The following PDE5A variants were observed in gnomAD, a reference collection of about 807,000 sequenced individuals.
PDE5A encodes the protein phosphodiesterase 5A.
PDE5A carries 67 observed loss-of-function variants against 110.2 expected under a neutral mutation model. The ratio of observed to expected loss-of-function variants is 0.61; its 90% CI spans 0.50 to 0.75. The LOEUF (loss-of-function observed/expected upper bound fraction) is 0.75, where lower values mean the gene tolerates loss of function less well. PDE5A is among the 30% of genes least tolerant of loss of function. The pLI, the probability that PDE5A is intolerant of heterozygous loss-of-function variation, is 0.00. For missense variants in PDE5A, 862 were observed against 1,045.1 expected, an observed-to-expected ratio of 0.82 and a Z score of 2.42; for synonymous variants, 328 against 351.2, an observed-to-expected ratio of 0.93 and a Z score of 0.74.
intron 1 of PDE5A, among the ~76,000 whole-genome samples, chr4:119,609,965 C>T (rs989081634): frequency 2.0e-5 from 3 of 152,010 alleles, no homozygotes; most frequent in African/African-American, 7.3e-5. Flanking sequence ...CCTCACTGGC[C>T]TTATGAATTG....
At chr4:119,528,327 G>A (rs775955390) in intron 11 of PDE5A, among the ~76,000 whole-genome samples, 1 of 152,086 alleles carries the variant, frequency 6.6e-6, no homozygotes, top group Admixed American at 6.6e-5. Flanking sequence ...TGGAACGAGA[G>A]TTAATCTTTG....
At chr4:119,515,828 TC>T (rs1389579255) in intron 14 of PDE5A, among the ~76,000 whole-genome samples, 6 of 152,312 alleles carry the variant, frequency 3.9e-5, no homozygotes, top group African/African-American at 1.4e-4. Context: ...GCTCTGTGGT[TC>T]TAATTTCTAC....
chr4:119,547,191 T>G (rs2110491285), intron 9 of PDE5A, among the ~76,000 whole-genome samples: 1 of 151,658 alleles, frequency 6.6e-6, no homozygotes, highest in Admixed American at 6.6e-5. Flanking sequence ...TTAGTATTGG[T>G]TATTACCAAT....
chr4:119,607,404 AT>A, intron 1 of PDE5A, 107 bp from the exon 2 acceptor site: 1 of 697,674 alleles, frequency 1.4e-6, no homozygotes, highest in South Asian at 2.0e-5. Flanking sequence ...TAATAATTTG[AT>A]ATGTTATAGA....
At chr4:119,503,500 A>G (rs866062168) in intron 18 of PDE5A, among the ~76,000 whole-genome samples, 7 of 152,122 alleles carry the variant, frequency 4.6e-5, no homozygotes, top group Admixed American at 2.6e-4. Flanking sequence ...GTTAATGTCT[A>G]TTTAGAGCTG....
chr4:119,601,348 A>G (rs900292549), intron 2 of PDE5A, among the ~76,000 whole-genome samples: 5 of 152,094 alleles, frequency 3.3e-5, no homozygotes, highest in East Asian at 1.9e-4. Context: ...AAAAGCTGGG[A>G]AAAATGAGGT....
intron 1 of PDE5A, among the ~76,000 whole-genome samples, chr4:119,618,606 A>G (rs888343255): frequency 6.6e-6 from 1 of 152,150 alleles, no homozygotes; most frequent in Non-Finnish European, 1.5e-5. Context: ...TGTTTTTTTC[A>G]GTACTACTTA....
chr4:119,579,756 G>C (rs1477582084), intron 3 of PDE5A, among the ~76,000 whole-genome samples: 1 of 151,904 alleles, frequency 6.6e-6, no homozygotes, highest in East Asian at 1.9e-4. Context: ...TGAGTTACTG[G>C]GTGCAGCACA....
At position 119,606,739 on chromosome 4, in the gene PDE5A, A is replaced by C. The variant is rs1214841673; in HGVS notation, c.711T>G (p.Gly237=). 1 of 1,614,056 alleles carries C rather than the reference A, an allele frequency of 6.2e-7. No homozygotes were observed. Among genetic ancestry groups the C allele is most frequent in the South Asian group, 1.1e-5 (1 of 91,078 alleles). The change falls in exon 2 of 21, where the codon GGT becomes GGG. Residue 237 remains glycine (G), a synonymous_variant. Coordinates refer to ENST00000354960, the MANE Select transcript of PDE5A (RefSeq NM_001083.4). Reference sequence around the variant, plus strand: ...ATGCATCTTTGATGTTCAAGGGCTCACCAAGCGCTGCCACATGTCCCACAA... The same window carrying C: ...ATGCATCTTTGATGTTCAAGGGCTCCCCAAGCGCTGCCACATGTCCCACAA... ...KGIVGHVAAL[G]EPLNIKDAYE... is the part of the protein sequence containing the mutation.
chr4:119,576,264 A>G (rs1230818434), intron 3 of PDE5A, among the ~76,000 whole-genome samples: 8 of 152,216 alleles, frequency 5.3e-5, no homozygotes, highest in Non-Finnish European at 1.2e-4. Context: ...TACTGTCAAC[A>G]TTAGACAGAT....
intron 3 of PDE5A, among the ~76,000 whole-genome samples, chr4:119,573,602 G>A (rs1728215212): frequency 6.6e-6 from 1 of 152,114 alleles, no homozygotes; most frequent in African/African-American, 2.4e-5. Flanking sequence ...TGGTAAGATT[G>A]ATTTTATCCT....
rs1365818169 is a variant in PDE5A at position 119,571,356 on chromosome 4, C to T, written c.832-4212G>A. 3.3e-5 allele frequency among the ~76,000 whole-genome samples: 5 copies of T among 152,098 alleles called. No homozygotes were observed. In the East Asian group the frequency reaches 7.7e-4, roughly 23 times the overall value. On this transcript the variant is annotated intron_variant, in intron 3 of 20. Transcript: ENST00000354960. ...AAGATCTGGAGATGGGGAGATTATCCTGAATTATCTAGGTGGGCCCAATGT... is the reference window on the plus strand; with the variant it reads ...AAGATCTGGAGATGGGGAGATTATCTTGAATTATCTAGGTGGGCCCAATGT...
chr4:119,567,231 C>A, intron 3 of PDE5A, 87 bp from the exon 4 acceptor site: 1 of 953,300 alleles, frequency 1.0e-6, no homozygotes, highest in Non-Finnish European at 1.7e-6. Context: ...AGAAGATATC[C>A]TGCATGTGCT....
chr4:119,611,552 C>T (rs1250294323), intron 1 of PDE5A, among the ~76,000 whole-genome samples: 9 of 152,216 alleles, frequency 5.9e-5, no homozygotes, highest in Admixed American at 5.9e-4. Flanking sequence ...TGCTTGTATA[C>T]TTGCAGTGCC....
chr4:119,552,493 G>T, intron 9 of PDE5A, 57 bp downstream of exon 9: 1 of 614,528 alleles, frequency 1.6e-6, no homozygotes, highest in Non-Finnish European at 2.6e-6. Context: ...AAGAAGTATA[G>T]CTGGGAATAC....
chr4:119,526,557 C>T (rs1302087039), intron 11 of PDE5A, among the ~76,000 whole-genome samples: 4 of 152,114 alleles, frequency 2.6e-5, no homozygotes, highest in Non-Finnish European at 4.4e-5. Context: ...ACTGGACCAA[C>T]GGAGGCCTTT....
At chr4:119,593,394 A>G (rs1329307762) in intron 3 of PDE5A, among the ~76,000 whole-genome samples, 1 of 152,260 alleles carries the variant, frequency 6.6e-6, no homozygotes, top group African/African-American at 2.4e-5. Context: ...TAAATCACTC[A>G]GCAATAAAAA....
chr4:119,605,952 G>A (rs1451207544), intron 2 of PDE5A, among the ~76,000 whole-genome samples: 1 of 151,878 alleles, frequency 6.6e-6, no homozygotes, highest in African/African-American at 2.4e-5. Context: ...TCAAGATGCT[G>A]TAAGATACCT....
At chr4:119,508,732 ACTTT>A (rs1189430379) in intron 15 of PDE5A, among the ~76,000 whole-genome samples, 1 of 146,200 alleles carries the variant, frequency 6.8e-6, no homozygotes, top group East Asian at 2.1e-4. Flanking sequence ...TCTGATACTT[ACTTT>A]AAGATAAAAC....
Sources: allele counts gnomAD v4.1 joint callset (sites outside exome capture counted in the v4.1 genomes callset), GRCh38; gene constraint gnomAD v4.1.1; transcripts MANE v1.5; gene names NCBI Gene and HGNC (gene_info 2026-07-23, HGNC 2026-07-21).